TCEA1: variants seen among roughly 807,000 people sequenced by gnomAD.
The protein encoded by TCEA1 is transcription elongation factor A1, also known as transcription elongation factor A protein 1.
A neutral mutation model predicts 43.8 loss-of-function variants in TCEA1; 21 were observed. The observed-to-expected ratio is 0.48, with a 90% confidence interval of 0.34 to 0.69. TCEA1 has a LOEUF of 0.69. Among genes scored for constraint, TCEA1 ranks in the 30% least tolerant of loss-of-function variants. The pLI, the probability that TCEA1 is intolerant of heterozygous loss-of-function variation, is 0.01. For synonymous variants in TCEA1, 104 were observed against 117.5 expected, an observed-to-expected ratio of 0.88 and a Z score of 0.75; for missense variants, 250 against 365.1, an observed-to-expected ratio of 0.68 and a Z score of 2.57.
chr8:54,010,601 T>C (rs1804621514), intron 1 of TCEA1, 109 bp from the exon 2 acceptor site: 1 of 810,878 alleles, frequency 1.2e-6, no homozygotes, highest in Non-Finnish European at 1.9e-6. Flanking sequence ...AGGAATAAAA[T>C]CAGATAAGGA....
At chr8:54,012,155 A>C (rs1303256147) in intron 1 of TCEA1, among the ~76,000 whole-genome samples, 1 of 152,266 alleles carries the variant, frequency 6.6e-6, no homozygotes. Context: ...TTTGAAAAGC[A>C]AAAGATTTCT....
intron 2 of TCEA1, 41 bp downstream of exon 2, chr8:54,010,389 G>A (rs1250758171): frequency 2.0e-6 from 3 of 1,474,950 alleles, no homozygotes; most frequent in East Asian, 2.3e-5. Context: ...ATTTTATGAC[G>A]ACTACCTATT....
At position 53,967,978 on chromosome 8, in the gene TCEA1, A is replaced by C. The variant is rs1803038569; in HGVS notation, c.*126T>G. 1 of 799,374 alleles carries C rather than the reference A, an allele frequency of 1.3e-6. No individual in the cohort carries two copies. The highest frequency in any genetic ancestry group is 2.5e-5 in the Admixed American group (1 of 39,328). 49.5% of individuals were successfully genotyped at this position (799,374 alleles called of 1,614,324 possible). A position where few individuals can be genotyped will look rare whatever the true frequency, so the allele number is the denominator to read the frequency against. On this transcript the variant is annotated 3_prime_UTR_variant, in exon 10 of 10. Transcript: ENST00000521604. ...TTTAAGGAAGGGATGTTAGGTCAAA[A>C]ACAAAGTCTAACCCAAGTTGCTTTA...
chr8:53,984,303 G>A (rs1680303820), intron 7 of TCEA1, 60 bp downstream of exon 7: 2 of 1,465,840 alleles, frequency 1.4e-6, no homozygotes, highest in East Asian at 2.3e-5. Context: ...GATGATAATA[G>A]GCTTTACACT....
At chr8:53,996,783 T>C (rs916023461) in intron 3 of TCEA1, among the ~76,000 whole-genome samples, 4 of 114,656 alleles carry the variant, frequency 3.5e-5, no homozygotes, top group East Asian at 1.9e-4. Context: ...AAAATTATAG[T>C]AGGGGTAAAA....
At chr8:54,003,707 G>A (rs1463596355) in intron 2 of TCEA1, among the ~76,000 whole-genome samples, 1 of 152,014 alleles carries the variant, frequency 6.6e-6, no homozygotes, top group Non-Finnish European at 1.5e-5. Flanking sequence ...AATATGAACA[G>A]GAGTAAAGCT....
At chr8:53,997,892 G>A (rs988456065) in intron 3 of TCEA1, among the ~76,000 whole-genome samples, 34 of 152,324 alleles carry the variant, frequency 2.2e-4, no homozygotes, top group African/African-American at 6.0e-4. Context: ...AAAGTGGTGG[G>A]AAAGGGGGTG....
At position 53,972,465 on chromosome 8, in the gene TCEA1, T is replaced by G. The variant is rs148533792; in HGVS notation, c.826-2002A>C. ...AAGTTTTGGGCATGCATGGAGAGAATCAGATAAACCTGCTCCTCGTGCTGA... is the reference window on the plus strand; with the variant it reads ...AAGTTTTGGGCATGCATGGAGAGAAGCAGATAAACCTGCTCCTCGTGCTGA... On this transcript the variant is annotated intron_variant, in intron 8 of 9. Coordinates refer to ENST00000521604, the MANE Select transcript of TCEA1 (RefSeq NM_006756.4). The G allele has an allele frequency of 4.1e-3, 2,140 of 518,850 alleles. 9 individuals are homozygous for G. The highest frequency in any genetic ancestry group is 6.8e-3 in the Non-Finnish European group (1,769 of 258,812). The allele number at this position is 518,850 out of a possible 1,614,324, so 32.1% of individuals were successfully genotyped here.
intron 9 of TCEA1, among the ~76,000 whole-genome samples, chr8:53,969,498 A>G (rs925964473): frequency 5.4e-5 from 8 of 148,470 alleles, no homozygotes; most frequent in Non-Finnish European, 8.9e-5. Context: ...AGTATAAATG[A>G]AAAAAAAAAG....
intron 1 of TCEA1, among the ~76,000 whole-genome samples, chr8:54,019,442 C>T (rs1222344063): frequency 6.6e-6 from 1 of 151,764 alleles, no homozygotes; most frequent in Non-Finnish European, 1.5e-5. Context: ...TGGTGGTGCA[C>T]ACCTGTAGTC....
intron 1 of TCEA1, among the ~76,000 whole-genome samples, chr8:54,018,382 G>C (rs1335983751): frequency 6.6e-6 from 1 of 152,114 alleles, no homozygotes; most frequent in African/African-American, 2.4e-5. Context: ...ACAAAGAAAG[G>C]CAACCTCAGA....
intron 8 of TCEA1, chr8:53,973,032 G>A (rs1231666582): frequency 1.8e-5 from 12 of 674,456 alleles, no homozygotes. Flanking sequence ...CACTCAACAG[G>A]AAGCTTAAAA....
At chr8:53,978,476 T>C (rs943409458) in intron 8 of TCEA1, 3 of 152,502 alleles carry the variant, frequency 2.0e-5, no homozygotes, top group Non-Finnish European at 4.4e-5. Flanking sequence ...TCACTTGGAA[T>C]ACAGATCATC....
intron 7 of TCEA1, among the ~76,000 whole-genome samples, chr8:53,981,264 A>G (rs1803492060): frequency 6.6e-6 from 1 of 152,252 alleles, no homozygotes; most frequent in Admixed American, 6.5e-5. Flanking sequence ...GCTATTCTAA[A>G]CAAAGATTTT....
intron 1 of TCEA1, among the ~76,000 whole-genome samples, chr8:54,017,214 A>C (rs909427613): frequency 6.6e-6 from 1 of 152,096 alleles, no homozygotes; most frequent in African/African-American, 2.4e-5. Context: ...AAATGTTCTA[A>C]AATTATACAG....
intron 1 of TCEA1, among the ~76,000 whole-genome samples, chr8:54,016,146 C>G (rs769341623): frequency 1.3e-5 from 2 of 152,186 alleles, no homozygotes; most frequent in Non-Finnish European, 2.9e-5. Flanking sequence ...CTATATGACC[C>G]AGTAATTATT....
chr8:53,972,687 G>A (rs1158451202), intron 8 of TCEA1: 12 of 637,138 alleles, frequency 1.9e-5, no homozygotes. Context: ...AAGTGTTCCT[G>A]AAGATGCCCC....
intron 1 of TCEA1, among the ~76,000 whole-genome samples, chr8:54,017,435 C>T: frequency 6.6e-6 from 1 of 152,222 alleles, no homozygotes. Flanking sequence ...CACATTTCCA[C>T]TTCATGAACA....
chr8:53,995,773 C>T (rs868499042), intron 3 of TCEA1, among the ~76,000 whole-genome samples: 13 of 152,196 alleles, frequency 8.5e-5, no homozygotes, highest in Admixed American at 2.0e-4. Flanking sequence ...TTAGACAACT[C>T]TAATATATAG....
Sources: allele counts gnomAD v4.1 joint callset (sites outside exome capture counted in the v4.1 genomes callset), GRCh38; gene constraint gnomAD v4.1.1; transcripts MANE v1.5; gene names NCBI Gene and HGNC (gene_info 2026-07-23, HGNC 2026-07-21).